DNAH6: variants seen among roughly 807,000 people sequenced by gnomAD.
DNAH6 encodes axonemal beta dynein heavy chain 6.
DNAH6 carries 340 observed loss-of-function variants against 491.4 expected under a neutral mutation model. That is an observed-to-expected ratio of 0.69 (90% confidence interval 0.63 to 0.76). The LOEUF (loss-of-function observed/expected upper bound fraction) is 0.76, where lower values mean the gene tolerates loss of function less well. Ranked by LOEUF, DNAH6 falls within the 30% of genes least tolerant of loss-of-function variation. The pLI, the probability that DNAH6 is intolerant of heterozygous loss-of-function variation, is 0.00. For synonymous variants in DNAH6, 1,603 were observed against 1,686.1 expected, an observed-to-expected ratio of 0.95 and a Z score of 1.21; for missense variants, 4,443 against 4,972.2, an observed-to-expected ratio of 0.89 and a Z score of 3.20.
chr2:84,502,435 A>G, the DNAH6 span, among the ~76,000 whole-genome samples: 1 of 152,202 alleles, frequency 6.6e-6, no homozygotes, highest in Admixed American at 6.5e-5. Context: ...TTGTGACCTA[A>G]CATATCGGCT....
chr2:84,589,908 TG>T (rs1205585464), intron 16 of DNAH6, among the ~76,000 whole-genome samples: 1 of 151,728 alleles, frequency 6.6e-6, no homozygotes, highest in Non-Finnish European at 1.5e-5. Context: ...AAGATGCCAT[TG>T]GTCTCCCCAA....
rs1178971057 is a variant in DNAH6 at position 84,762,707 on chromosome 2, A to G, written c.10513-48A>G. ...TGAAGGAGAAAATTAGGATAAAATT[A>G]TGAAGGATCCTCATTCAACATACTT... On this transcript the variant is annotated intron_variant, in intron 63 of 76. Coordinates refer to ENST00000389394, the MANE Select transcript of DNAH6 (RefSeq NM_001370.2). The G allele has an allele frequency of 2.2e-6, 3 of 1,360,618 alleles. No individual in the cohort carries two copies. The South Asian group carries it at 3.9e-5, about 18-fold the overall frequency. The allele number at this position is 1,360,618 out of a possible 1,614,324, so 84.3% of individuals were successfully genotyped here.
At chr2:84,660,794 A>C (rs1691428607) in intron 37 of DNAH6, among the ~76,000 whole-genome samples, 1 of 152,136 alleles carries the variant, frequency 6.6e-6, no homozygotes, top group Non-Finnish European at 1.5e-5. Context: ...TTACACCTGG[A>C]AAACCCAAAC....
the DNAH6 span, among the ~76,000 whole-genome samples, chr2:84,464,850 C>T: frequency 2.0e-5 from 3 of 152,256 alleles, no homozygotes; most frequent in African/African-American, 7.2e-5. Flanking sequence ...CTATCTCATC[C>T]TGTAACTTAG....
intron 18 of DNAH6, among the ~76,000 whole-genome samples, chr2:84,598,075 G>A (rs889848823): frequency 6.6e-6 from 1 of 152,060 alleles, no homozygotes; most frequent in African/African-American, 2.4e-5. Context: ...AATCTATAGT[G>A]AGAAAGTGAA....
Position 84,548,201 on chromosome 2 carries a change from T to C in DNAH6, c.1187-87T>C, listed in dbSNP as rs1318940489. On this transcript the variant is annotated intron_variant, in intron 7 of 76. Transcript: ENST00000389394. ...ACCAAAATATTTTGTTGTTTTTGAA[T>C]TTTGTTTATCTTTTCTTTGAATCAT... 3.6e-6 allele frequency: 5 copies of C among 1,399,816 alleles called. No individual in the cohort carries two copies. The African/African-American group carries it at 7.3e-5, about 20-fold the overall frequency. The allele number at this position is 1,399,816 out of a possible 1,614,324, so 86.7% of individuals were successfully genotyped here.
chr2:84,536,690 C>A (rs1197008185), intron 4 of DNAH6, among the ~76,000 whole-genome samples: 4 of 151,880 alleles, frequency 2.6e-5, no homozygotes, highest in African/African-American at 9.7e-5. Flanking sequence ...CTGTCAGAGA[C>A]AAAACAATAA....
intron 36 of DNAH6, among the ~76,000 whole-genome samples, 174 bp from the exon 37 acceptor site, chr2:84,658,846 GTATAAC>G (rs1327359464): frequency 6.6e-6 from 1 of 151,962 alleles, no homozygotes; most frequent in African/African-American, 2.4e-5. Flanking sequence ...TGGTTATAAT[GTATAAC>G]TATAAGAAAA....
intron 63 of DNAH6, among the ~76,000 whole-genome samples, chr2:84,753,721 C>T (rs1176280430): frequency 3.1e-5 from 4 of 129,526 alleles, no homozygotes; most frequent in African/African-American, 1.2e-4. Context: ...CACACCATTG[C>T]ATTCCAGCCT....
At chr2:84,549,816 C>G (rs1230430526) in intron 8 of DNAH6, 73 bp from the exon 9 acceptor site, 2 of 1,055,788 alleles carry the variant, frequency 1.9e-6, no homozygotes, top group Non-Finnish European at 2.7e-6. Flanking sequence ...TAAATATTTG[C>G]TTTAGAGACA....
intron 62 of DNAH6, among the ~76,000 whole-genome samples, chr2:84,743,777 A>T (rs950508086): frequency 9.9e-5 from 15 of 152,180 alleles, no homozygotes; most frequent in African/African-American, 3.4e-4. Context: ...AGCCGAGAAC[A>T]CGCCACTGCA....
chr2:84,564,635 G>C (rs1680996404), intron 11 of DNAH6, among the ~76,000 whole-genome samples: 2 of 152,092 alleles, frequency 1.3e-5, no homozygotes, highest in African/African-American at 4.8e-5. Flanking sequence ...CATCAGCAAA[G>C]AGAGATCATT....
rs1436985122 is a variant in DNAH6 at position 84,715,627 on chromosome 2, G to A, written c.9611G>A (p.Ser3204Asn). Residue 3204 changes from serine (S) to asparagine (N), a missense_variant and splice_region_variant, in exon 58 of 77, where the codon AGT (serine) becomes AAT (asparagine). Ser to Asn is a conservative substitution (Grantham distance 46, BLOSUM62 1). Around this residue, in one of 3 missense-constraint regions of DNAH6, gnomAD observed 1,463 missense variants for 1,656.6 expected, o/e 0.88. Transcript: ENST00000389394. ...TCAGGCCTGGAGGATCAGTTGTTAA[G>A]GTAAAAAAACAGGGAGTTGAGGGGA... is the stretch of plus-strand genomic sequence containing the variant. ...TKSGLEDQLL[S>N]DVVRLEKPRL... 3 of 1,550,882 alleles carry A rather than the reference G, an allele frequency of 1.9e-6. No individual in the cohort carries two copies. Among genetic ancestry groups the A allele is most frequent in the Non-Finnish European group, 2.6e-6 (3 of 1,146,680 alleles).
At chr2:84,553,628 A>ATTTTTTTTTTT (rs748931607) in intron 10 of DNAH6, among the ~76,000 whole-genome samples, 6 of 90,998 alleles carry the variant, frequency 6.6e-5, no homozygotes, top group Non-Finnish European at 9.7e-5. Flanking sequence ...AGGACTGGCT[A>ATTTTTTTTTTT]TTTTTTTTTT....
At chr2:84,646,693 C>G (rs1040218654) in intron 33 of DNAH6, among the ~76,000 whole-genome samples, 2 of 152,172 alleles carry the variant, frequency 1.3e-5, no homozygotes, top group African/African-American at 4.8e-5. Flanking sequence ...GATCAAGGCT[C>G]TGACTCTCTT....
At chr2:84,471,206 GTATCATTATTAC>G in the DNAH6 span, among the ~76,000 whole-genome samples, 10,263 of 152,126 alleles carry the variant, frequency 0.067, 763 homozygotes, top group African/African-American at 0.18. Flanking sequence ...AAAGGAGAAG[GTATCATTATTAC>G]TATCATTATT....
intron 10 of DNAH6, among the ~76,000 whole-genome samples, 177 bp from the exon 11 acceptor site, chr2:84,557,558 G>T (rs1352122677): frequency 6.7e-6 from 1 of 148,880 alleles, no homozygotes; most frequent in Non-Finnish European, 1.5e-5. Flanking sequence ...GCTGAGGCAG[G>T]AGAATGGCGT....
At chr2:84,531,833 T>TA (rs140811717) in intron 4 of DNAH6, among the ~76,000 whole-genome samples, 3,601 of 151,918 alleles carry the variant, frequency 0.024, 56 homozygotes, top group Middle Eastern at 0.092. Flanking sequence ...GCCCTTCAAT[T>TA]AAAAAAAACC....
intron 15 of DNAH6, among the ~76,000 whole-genome samples, chr2:84,585,122 C>T (rs1683409134): frequency 6.6e-6 from 1 of 152,160 alleles, no homozygotes; most frequent in Admixed American, 6.5e-5. Flanking sequence ...AAGGACTTGG[C>T]ACTGTTGTTA....
Sources: allele counts gnomAD v4.1 joint callset (sites outside exome capture counted in the v4.1 genomes callset), GRCh38; gene constraint gnomAD v4.1.1; regional missense constraint gnomAD v4.1.1; transcripts MANE v1.5; gene names NCBI Gene and HGNC (gene_info 2026-07-23, HGNC 2026-07-21).